The following JAKMIP3 variants were observed in gnomAD, a reference collection of about 807,000 sequenced individuals.
The protein encoded by JAKMIP3 is janus kinase and microtubule-interacting protein 3.
JAKMIP3 carries 58 observed loss-of-function variants against 118.5 expected under a neutral mutation model. The observed-to-expected ratio is 0.49, with a 90% CI of 0.40 to 0.61. The LOEUF is 0.61. Ranked by LOEUF, JAKMIP3 falls within the 20% of genes least tolerant of loss-of-function variation. The pLI is 0.00. For missense variants in JAKMIP3, 950 were observed against 1,109.0 expected, an observed-to-expected ratio of 0.86 and a Z score of 2.04; for synonymous variants, 486 against 451.2, an observed-to-expected ratio of 1.08 and a Z score of -0.98.
intron 19 of JAKMIP3, among the ~76,000 whole-genome samples, chr10:132,155,410 A>G (rs1047898496): frequency 1.3e-5 from 2 of 152,234 alleles, no homozygotes; most frequent in Admixed American, 6.5e-5. Context: ...CTGTGCCCAC[A>G]GCCATGACTG....
At chr10:132,075,066 T>G (rs1173520651) in intron 1 of JAKMIP3, among the ~76,000 whole-genome samples, 1 of 152,242 alleles carries the variant, frequency 6.6e-6, no homozygotes, top group Non-Finnish European at 1.5e-5. Flanking sequence ...ACCATGCTGT[T>G]TTGGTTACTA....
At chr10:132,045,481 G>T (rs575720147) in intron 1 of JAKMIP3, among the ~76,000 whole-genome samples, 1 of 152,278 alleles carries the variant, frequency 6.6e-6, no homozygotes, top group South Asian at 2.1e-4. Flanking sequence ...TTAGTGAAGG[G>T]CACATGTGGT....
At position 132,133,506 on chromosome 10, in the gene JAKMIP3, T is replaced by C. The variant is rs1208772190; in HGVS notation, c.828T>C (p.Ala276=). 2 of 1,570,576 alleles carry C rather than the reference T, an allele frequency of 1.3e-6. No individual in the cohort carries two copies. Among genetic ancestry groups the C allele is most frequent in the Non-Finnish European group, 1.7e-6 (2 of 1,158,840 alleles). The change falls in exon 4 of 24, where the codon GCT becomes GCC. Residue 276 remains alanine (A), a synonymous_variant. Transcript: ENST00000684848. ...CTCATGCAGCTGGTGCAGGAGACGC[T>C]TCAGACCACTCGGGAAGCCCTGTAA... ...ELPHAAGAGD[A]SDHSGSPEQQ...
intron 2 of JAKMIP3, among the ~76,000 whole-genome samples, chr10:132,105,681 TAAG>T (rs1217901975): frequency 2.6e-5 from 4 of 152,160 alleles, no homozygotes; most frequent in Non-Finnish European, 2.9e-5. Context: ...CAGGAGCCAT[TAAG>T]AAGTGTGCCC....
In JAKMIP3 at chr10:132,180,466, G is replaced by A. The variant is rs528027625; in HGVS notation, c.*1104-1891G>A. Among the ~76,000 whole-genome samples, 306 of 116,676 alleles carry A rather than the reference G, an allele frequency of 2.6e-3. 1 individual carries two copies. The highest frequency in any genetic ancestry group is 7.6e-3 in the African/African-American group (286 of 37,868). The allele number at this position is 116,676 out of a possible 152,430, so 76.5% of individuals were successfully genotyped here. Reference sequence around the variant, plus strand: ...GAAGATCACGTTCCCTAGAAGAGACGGAACAGATGGGGTAGGGCGGGAGGG... The same window carrying A: ...GAAGATCACGTTCCCTAGAAGAGACAGAACAGATGGGGTAGGGCGGGAGGG... On this transcript the variant is annotated intron_variant, in intron 23 of 23. Transcript: ENST00000684848.
intron 1 of JAKMIP3, among the ~76,000 whole-genome samples, chr10:132,093,375 GAGGC>G (rs2043353828): frequency 6.6e-6 from 1 of 152,184 alleles, no homozygotes; most frequent in Non-Finnish European, 1.5e-5. Context: ...GGAGTCTACA[GAGGC>G]AGGCAGGCAG....
At chr10:132,157,960 A>G (rs1181761050) in intron 19 of JAKMIP3, among the ~76,000 whole-genome samples, 2 of 152,008 alleles carry the variant, frequency 1.3e-5, no homozygotes, top group Admixed American at 1.3e-4. Flanking sequence ...GAAAAAAAAA[A>G]GAGATTGTAC....
intron 23 of JAKMIP3, among the ~76,000 whole-genome samples, chr10:132,174,261 A>G (rs917368407): frequency 4.6e-5 from 7 of 151,954 alleles, no homozygotes; most frequent in Non-Finnish European, 1.0e-4. Context: ...CCTGTTTCTC[A>G]TTGTGTCAGT....
chr10:132,132,041 C>T (rs567159486), intron 3 of JAKMIP3, among the ~76,000 whole-genome samples: 25 of 152,352 alleles, frequency 1.6e-4, no homozygotes, highest in African/African-American at 5.1e-4. Context: ...GATGGACACG[C>T]TCTTATTTCA....
chr10:132,111,777 AAT>A (rs2046924328), intron 2 of JAKMIP3, among the ~76,000 whole-genome samples: 1 of 152,124 alleles, frequency 6.6e-6, no homozygotes, highest in Non-Finnish European at 1.5e-5. Context: ...ATATATTATA[AAT>A]ATGTTTATAT....
At chr10:132,116,089 T>C (rs1376419683) in intron 2 of JAKMIP3, among the ~76,000 whole-genome samples, 1 of 152,246 alleles carries the variant, frequency 6.6e-6, no homozygotes, top group East Asian at 1.9e-4. Context: ...GCTGGGCTAT[T>C]TTGCTTCTTA....
chr10:132,119,057 C>T (rs891032886), intron 3 of JAKMIP3, among the ~76,000 whole-genome samples: 10 of 152,190 alleles, frequency 6.6e-5, no homozygotes, highest in African/African-American at 2.4e-4. Context: ...CTCTCACCCC[C>T]GATCTGAACC....
chr10:132,138,031 A>C, intron 8 of JAKMIP3, 88 bp from the exon 9 acceptor site: 3 of 1,268,936 alleles, frequency 2.4e-6, no homozygotes, highest in Non-Finnish European at 1.1e-6. Flanking sequence ...CCTGTCATCC[A>C]AATGATGGCA....
In JAKMIP3 at chr10:132,112,270, GC is replaced by G. The variant is rs2046989323; in HGVS notation, c.136-4805del. 6.6e-6 allele frequency among the ~76,000 whole-genome samples: 1 copy of G among 151,950 alleles called. No homozygotes were observed. The highest frequency in any genetic ancestry group is 2.4e-5 in the African/African-American group (1 of 41,420). ...GCCTGCTGTCCCGCGGGGCACACGG[GC>G]CTCAGGTGTGGGAGCGGGGTCTCCG... On this transcript the variant is annotated intron_variant, in intron 2 of 23. Coordinates refer to ENST00000684848, the MANE Select transcript of JAKMIP3 (RefSeq NM_001323087.2). The surrounding 1 kb of genome is among the most constrained non-coding windows in gnomAD (Gnocchi z 4.3).
rs143247536 is a variant in JAKMIP3 at position 132,146,037 on chromosome 10, C to T, written c.1749+457C>T. On this transcript the variant is annotated intron_variant, in intron 13 of 23. Coordinates refer to ENST00000684848, the MANE Select transcript of JAKMIP3 (RefSeq NM_001323087.2). Reference sequence around the variant, plus strand: ...ATGGACCAGCCTGGCTGAGCAAGTGCGTGTTTGAGACTTCGGCAAGGCGTC... The same window carrying T: ...ATGGACCAGCCTGGCTGAGCAAGTGTGTGTTTGAGACTTCGGCAAGGCGTC... Among the ~76,000 whole-genome samples the T allele has an allele frequency of 3.3e-3, 500 of 152,252 alleles. 6 individuals carry two copies. The highest frequency in any genetic ancestry group is 0.011 in the African/African-American group (469 of 41,548).
At position 132,136,897 on chromosome 10, in the gene JAKMIP3, C is replaced by T. The variant is rs916197012; in HGVS notation, c.1117-122C>T. On this transcript the variant is annotated intron_variant, in intron 6 of 23. Coordinates refer to ENST00000684848, the MANE Select transcript of JAKMIP3 (RefSeq NM_001323087.2). ...GCTGTTCTGAGGCCTGAGCAGAGGC[C>T]GCCAGCCGGGCAGCTGAGAGTGGCA... The T allele has an allele frequency of 3.3e-5, 37 of 1,105,234 alleles. 1 individual carries two copies. In the South Asian group the frequency reaches 3.7e-4, roughly 11 times the overall value. The allele number at this position is 1,105,234 out of a possible 1,614,324, so 68.5% of individuals were successfully genotyped here.
intron 3 of JAKMIP3, among the ~76,000 whole-genome samples, chr10:132,124,566 T>C (rs1267839410): frequency 6.6e-6 from 1 of 151,272 alleles, no homozygotes; most frequent in Admixed American, 6.6e-5. Context: ...CACACGTCCG[T>C]TGCCACATGG....
chr10:132,054,595 T>C (rs1253440111), intron 1 of JAKMIP3, among the ~76,000 whole-genome samples: 6 of 152,202 alleles, frequency 3.9e-5, no homozygotes, highest in Non-Finnish European at 7.3e-5. Context: ...CTGCTAGGGC[T>C]GGTGCCAAGA....
chr10:132,048,062 T>C (rs1043766620), intron 1 of JAKMIP3, among the ~76,000 whole-genome samples: 1 of 152,216 alleles, frequency 6.6e-6, no homozygotes, highest in African/African-American at 2.4e-5. Flanking sequence ...TGGGGTTCTC[T>C]CGTGACGGGA....
Sources: gnomAD v4.1 joint callset for allele counts (sites outside exome capture counted in the v4.1 genomes callset) on GRCh38, gnomAD v4.1.1 for gene constraint, Gnocchi (gnomAD v3.1) non-coding constraint, MANE v1.5 for transcripts, NCBI Gene and HGNC (gene_info 2026-07-23, HGNC 2026-07-21) for gene names.